The following HOMER2 variants were observed in gnomAD, a reference collection of about 807,000 sequenced individuals.
HOMER2 encodes homer scaffold protein 2.
Under a neutral mutation model 47.0 loss-of-function variants are expected in HOMER2, and 27 were observed. That is an observed-to-expected ratio of 0.57 (90% CI 0.42 to 0.79). The LOEUF (loss-of-function observed/expected upper bound fraction) is 0.79, where lower values mean the gene tolerates loss of function less well. HOMER2 is among the 30% of genes least tolerant of loss of function. The probability of loss-of-function intolerance (pLI) is 0.00; values close to 1 mark genes in which losing one functional copy is unlikely to be tolerated. For missense variants in HOMER2, 443 were observed against 435.0 expected (o/e 1.02, Z -0.16); for synonymous variants, 161 against 163.8 (o/e 0.98, Z 0.13).
chr15:82,953,484 G>C (rs1463143683), upstream of HOMER2, among the ~76,000 whole-genome samples: 2 of 152,108 alleles, frequency 1.3e-5, no homozygotes, highest in African/African-American at 4.8e-5. Context: ...CTGGCACTGG[G>C]ACTAACCTAA....
intron 1 of HOMER2, among the ~76,000 whole-genome samples, chr15:82,923,559 C>T (rs1703867093): frequency 1.3e-5 from 2 of 151,612 alleles, no homozygotes; most frequent in African/African-American, 4.9e-5. Context: ...TCAGAGGGCT[C>T]AGAGTGACCA....
At chr15:82,898,831 A>G (rs2053022550) in intron 1 of HOMER2, among the ~76,000 whole-genome samples, 1 of 152,216 alleles carries the variant, frequency 6.6e-6, no homozygotes, top group Non-Finnish European at 1.5e-5. Context: ...TTAGCTCCAC[A>G]CTTTTTCTGA....
intron 1 of HOMER2, among the ~76,000 whole-genome samples, chr15:82,962,174 T>A (rs2054636106): frequency 6.7e-6 from 1 of 149,762 alleles, no homozygotes; most frequent in Admixed American, 6.6e-5. Context: ...ATCGAGACCA[T>A]CCTGGCTAAC....
intron 1 of HOMER2, among the ~76,000 whole-genome samples, chr15:82,931,992 GC>G (rs2054023658): frequency 1.3e-5 from 2 of 152,178 alleles, no homozygotes; most frequent in African/African-American, 4.8e-5. Flanking sequence ...AAAGACAGGA[GC>G]CCTAACCATC....
intron 1 of HOMER2, among the ~76,000 whole-genome samples, chr15:82,931,196 A>T (rs143734226): frequency 6.6e-6 from 1 of 152,316 alleles, no homozygotes; most frequent in Non-Finnish European, 1.5e-5. Context: ...AAATGCCTAA[A>T]AGGCAGTATT....
intron 8 of HOMER2, among the ~76,000 whole-genome samples, chr15:82,850,388 C>T (rs959770809): frequency 6.6e-6 from 1 of 152,188 alleles, no homozygotes; most frequent in African/African-American, 2.4e-5. Context: ...AAGGACTGGC[C>T]ATGCCAATGA....
At chr15:82,934,733 G>T (rs912465344) in intron 1 of HOMER2, among the ~76,000 whole-genome samples, 1 of 152,118 alleles carries the variant, frequency 6.6e-6, no homozygotes, top group Non-Finnish European at 1.5e-5. Flanking sequence ...CACGCCACTG[G>T]GCAAGGTCAA....
exon 2 of HOMER2, chr15:82,842,385 A>T (rs1204367452): frequency 6.6e-6 from 1 of 150,950 alleles, no homozygotes; most frequent in South Asian, 2.1e-4. Context: ...GCTCACTGCA[A>T]CCTCTGCCTC....
chr15:82,931,075 C>T (rs2053997053), intron 1 of HOMER2, among the ~76,000 whole-genome samples: 1 of 151,718 alleles, frequency 6.6e-6, no homozygotes, highest in African/African-American at 2.4e-5. Context: ...TGCACTCTAG[C>T]CTGGACGACA....
chr15:82,863,221 C>G lies in HOMER2; in HGVS notation c.387+946G>C, dbSNP rs78822026. 2.3e-3 allele frequency among the ~76,000 whole-genome samples: 357 copies of G among 152,202 alleles called. 2 individuals carry two copies. The highest frequency in any genetic ancestry group is 7.9e-3 in the African/African-American group (326 of 41,506). On this transcript the variant is annotated intron_variant, in intron 4 of 8. Transcript: ENST00000450735. ...CCCGGGCTTCCCTGGCCCAGCTATT[C>G]TCTCCTTCACAGCCCCCTCGACAAT... is the stretch of plus-strand genomic sequence containing the variant.
At chr15:82,864,285 G>A in intron 3 of HOMER2, 26 bp from the exon 4 acceptor site, 1 of 1,527,554 alleles carries the variant, frequency 6.5e-7, no homozygotes, top group Non-Finnish European at 9.0e-7. Flanking sequence ...AGTTATTAAG[G>A]CTTTTATTAA....
chr15:82,939,988 G>A (rs757873317), intron 1 of HOMER2, among the ~76,000 whole-genome samples: 2 of 152,190 alleles, frequency 1.3e-5, no homozygotes, highest in African/African-American at 4.8e-5. Flanking sequence ...AACACCGCAT[G>A]TTCTCACTCA....
chr15:82,851,814 A>G (rs563180153), intron 7 of HOMER2, among the ~76,000 whole-genome samples: 1 of 152,382 alleles, frequency 6.6e-6, no homozygotes, highest in Admixed American at 6.5e-5. Context: ...AAGTGGTTAC[A>G]TCATGGGTCT....
In HOMER2 at chr15:82,980,945, G is replaced by A. The variant is rs919606501; in HGVS notation, n.82+4842C>T. Reference sequence around the variant, plus strand: ...GTATTCTTTGTAAAATACGCATGTCGGGGGGAAAGGAGATCCGAGATAGTC... The same window carrying A: ...GTATTCTTTGTAAAATACGCATGTCAGGGGGAAAGGAGATCCGAGATAGTC... On this transcript the variant is annotated intron_variant and non_coding_transcript_variant, in intron 1 of 1. Transcript: ENST00000500334. Among the ~76,000 whole-genome samples the A allele has an allele frequency of 2.2e-4, 34 of 152,110 alleles. 1 individual carries two copies. The highest frequency in any genetic ancestry group is 1.9e-3 in the Admixed American group (29 of 15,284).
intron 5 of HOMER2, among the ~76,000 whole-genome samples, chr15:82,857,594 C>A (rs943747455): frequency 6.6e-6 from 1 of 151,934 alleles, no homozygotes; most frequent in African/African-American, 2.4e-5. Context: ...CCGTGCCCGG[C>A]CAATTTTTGT....
chr15:82,875,402 C>T lies in HOMER2; in HGVS notation c.165G>A (p.Val55=), dbSNP rs2052316316. ...TCGGTGTGATTGTGCTGTTTATGATCACCTGCAGAAAAACAGCCCAAAGAG... is the reference window on the plus strand; with the variant it reads ...TCGGTGTGATTGTGCTGTTTATGATTACCTGCAGAAAAACAGCCCAAAGAG... The part of the protein sequence containing the change: ...YRIISVDGAK[V]IINSTITPNM... The change falls in exon 3 of 9, where the codon GTG becomes GTA. Residue 55 remains valine, a splice_region_variant and synonymous_variant. Coordinates refer to ENST00000450735, the MANE Select transcript of HOMER2 (RefSeq NM_004839.4). 1 of 1,613,732 alleles carries T rather than the reference C, an allele frequency of 6.2e-7. No homozygotes were observed. Among genetic ancestry groups the T allele is most frequent in the Non-Finnish European group, 8.5e-7 (1 of 1,179,800 alleles).
intron 2 of HOMER2, among the ~76,000 whole-genome samples, chr15:82,877,875 A>C (rs2052399449): frequency 1.3e-5 from 2 of 152,096 alleles, no homozygotes; most frequent in African/African-American, 4.8e-5. Flanking sequence ...GGAGATCTAA[A>C]CTACTGGCAA....
chr15:82,932,841 G>A (rs1376282606), intron 1 of HOMER2, among the ~76,000 whole-genome samples: 3 of 152,092 alleles, frequency 2.0e-5, no homozygotes, highest in African/African-American at 7.2e-5. Context: ...CCTGCCTCCT[G>A]CCCTGTGCAC....
chr15:82,907,093 GC>G (rs1277947288), intron 1 of HOMER2, among the ~76,000 whole-genome samples: 2 of 152,302 alleles, frequency 1.3e-5, no homozygotes, highest in East Asian at 3.9e-4. Context: ...GGTGGCTCAC[GC>G]CTATAATCCC....
Sources: allele counts gnomAD v4.1 joint callset (sites outside exome capture counted in the v4.1 genomes callset), GRCh38; gene constraint gnomAD v4.1.1; transcripts MANE v1.5; gene names NCBI Gene and HGNC (gene_info 2026-07-23, HGNC 2026-07-21).